BRDT: variants seen among roughly 807,000 people sequenced by gnomAD.
BRDT encodes bromodomain testis-specific protein.
BRDT carries 77 observed loss-of-function variants against 113.9 expected under a neutral mutation model. The ratio of observed to expected loss-of-function variants is 0.68; its 90% CI spans 0.56 to 0.82. The LOEUF is 0.82. Among genes scored for constraint, BRDT ranks in the 40% least tolerant of loss-of-function variants. The probability of loss-of-function intolerance (pLI) is 0.00; values close to 1 mark genes in which losing one functional copy is unlikely to be tolerated. For synonymous variants in BRDT, 358 were observed against 366.5 expected, an observed-to-expected ratio of 0.98 and a Z score of 0.26; for missense variants, 1,027 against 1,105.4, an observed-to-expected ratio of 0.93 and a Z score of 1.01.
Position 91,978,812 on chromosome 1 carries a change from A to G in BRDT, c.1098+516A>G, listed in dbSNP as rs186336317. 1.9e-3 allele frequency among the ~76,000 whole-genome samples: 293 copies of G among 152,086 alleles called. 1 individual carries two copies. Among genetic ancestry groups the G allele is most frequent in the Non-Finnish European group, 3.3e-3 (226 of 67,980 alleles). ...TTAGGAGATGGAGACCATCCTGGCTAACATGATGAAACCCCGTCTCTACTA... is the reference window on the plus strand; with the variant it reads ...TTAGGAGATGGAGACCATCCTGGCTGACATGATGAAACCCCGTCTCTACTA... On this transcript the variant is annotated intron_variant, in intron 7 of 18. Coordinates refer to ENST00000399546, the MANE Select transcript of BRDT (RefSeq NM_207189.4).
intron 1 of BRDT, among the ~76,000 whole-genome samples, chr1:91,958,763 G>A (rs1482247694): frequency 6.6e-6 from 1 of 152,068 alleles, no homozygotes; most frequent in African/African-American, 2.4e-5. Context: ...AAAATTAAAT[G>A]TAGAAAATGA....
At chr1:91,975,436 C>A (rs1168187872) in intron 4 of BRDT, among the ~76,000 whole-genome samples, 1 of 152,114 alleles carries the variant, frequency 6.6e-6, no homozygotes, top group Non-Finnish European at 1.5e-5. Context: ...ACTTTGGTTG[C>A]TGTTTTGAGG....
At position 92,004,468 on chromosome 1, in the gene BRDT, C is replaced by T; in HGVS notation, c.2443C>T (p.Pro815Ser). 1.9e-6 allele frequency: 3 copies of T among 1,610,634 alleles called. No individual in the cohort carries two copies. The highest frequency in any genetic ancestry group is 2.5e-6 in the Non-Finnish European group (3 of 1,179,140). Residue 815 changes from proline to serine, a missense_variant, in exon 17 of 19, where the codon CCA becomes TCA. Pro to Ser is a moderately conservative substitution (Grantham distance 74). Transcript: ENST00000399546. ...GAAAAGTTTAGGCAAACCAGTGAAA[C>T]CATCAGGTGTAATGAAATCCTCAGA... ...SWKSLGKPVK[P>S]SGVMKSSDEL...
intron 15 of BRDT, among the ~76,000 whole-genome samples, chr1:91,997,528 G>A (rs1367002929): frequency 6.6e-6 from 1 of 152,148 alleles, no homozygotes; most frequent in Admixed American, 6.5e-5. Flanking sequence ...GGGTAGCCTT[G>A]CCCTTGAAAA....
intron 13 of BRDT, 121 bp downstream of exon 13, chr1:91,991,366 T>A: frequency 2.1e-6 from 1 of 465,914 alleles, no homozygotes; most frequent in South Asian, 5.9e-5. Flanking sequence ...TCACTGTTTT[T>A]AGCTTATCAA....
At chr1:91,954,365 G>C (rs1205542496) in intron 1 of BRDT, among the ~76,000 whole-genome samples, 3 of 140,360 alleles carry the variant, frequency 2.1e-5, no homozygotes, top group Non-Finnish European at 4.5e-5. Flanking sequence ...CTGCAGCCTC[G>C]ACTTCATGAG....
At chr1:91,968,733 T>A (rs1368770312) in intron 4 of BRDT, among the ~76,000 whole-genome samples, 2 of 152,216 alleles carry the variant, frequency 1.3e-5, no homozygotes, top group Non-Finnish European at 2.9e-5. Flanking sequence ...CAACTAATAA[T>A]CATATCATTT....
intron 15 of BRDT, 106 bp from the exon 16 acceptor site, chr1:92,001,943 C>T (rs1686891126): frequency 1.4e-6 from 1 of 703,966 alleles, no homozygotes; most frequent in African/African-American, 1.8e-5. Flanking sequence ...AAAAATTAGT[C>T]TCTTTGTTTT....
At chr1:91,990,142 A>G (rs1685630105) in intron 12 of BRDT, among the ~76,000 whole-genome samples, 1 of 152,174 alleles carries the variant, frequency 6.6e-6, no homozygotes, top group Non-Finnish European at 1.5e-5. Flanking sequence ...ATCAGAAACA[A>G]TTGTAGGATA....
In BRDT at chr1:91,964,654, A is replaced by G. The variant is rs749945857; in HGVS notation, c.220A>G (p.Met74Val). ...PDYYTIIKNP[M>V]DLNTIKKRLE... ...TTATTATACCATTATAAAAAACCCA[A>G]TGGATTTAAATACAATTAAGAAGCG... Residue 74 changes from methionine (M) to valine (V), a missense_variant, in exon 3 of 19, where the codon ATG (methionine) becomes GTG (valine). Physicochemically the swap from Met to Val is conservative, Grantham distance 21. Transcript: ENST00000399546. 10 of 1,456,364 alleles carry G rather than the reference A, an allele frequency of 6.9e-6. 1 individual carries two copies. Among genetic ancestry groups the G allele is most frequent in the South Asian group, 6.7e-5 (5 of 75,084 alleles). The allele number at this position is 1,456,364 out of a possible 1,614,324, so 90.2% of individuals were successfully genotyped here.
chr1:92,001,626 G>A (rs562033364), intron 15 of BRDT, among the ~76,000 whole-genome samples: 280 of 152,136 alleles, frequency 1.8e-3, no homozygotes, highest in African/African-American at 6.3e-3. Flanking sequence ...AACCTTGGAG[G>A]TGGAGGTTGC....
Position 91,979,613 on chromosome 1 carries a change from T to C in BRDT, c.1143T>C (p.Val381=). 1 of 1,612,892 alleles carries C rather than the reference T, an allele frequency of 6.2e-7. No individual in the cohort carries two copies. Among genetic ancestry groups the C allele is most frequent in the Non-Finnish European group, 8.5e-7 (1 of 1,179,610 alleles). Reference sequence around the variant, plus strand: ...TTTCAAAGATCCCGATTGAACCTGTTGAGAGTATGCCTTTATGTTACATCA... The same window carrying C: ...TTTCAAAGATCCCGATTGAACCTGTCGAGAGTATGCCTTTATGTTACATCA... ...THFSKIPIEP[V]ESMPLCYIKT... Residue 381 remains valine (V), a synonymous_variant, in exon 8 of 19, where the codon GTT becomes GTC. Coordinates refer to ENST00000399546, the MANE Select transcript of BRDT (RefSeq NM_207189.4).
chr1:91,955,617 C>G (rs1270840252), intron 1 of BRDT, among the ~76,000 whole-genome samples: 1 of 152,058 alleles, frequency 6.6e-6, no homozygotes, highest in African/African-American at 2.4e-5. Context: ...TGCAAAGTAT[C>G]ATAAAAAGCC....
intron 16 of BRDT, among the ~76,000 whole-genome samples, chr1:92,003,681 A>G (rs560406485): frequency 6.6e-6 from 1 of 152,328 alleles, no homozygotes; most frequent in South Asian, 2.1e-4. Flanking sequence ...AATTGTTTCT[A>G]GTAGGAATTT....
intron 4 of BRDT, among the ~76,000 whole-genome samples, chr1:91,974,799 T>A (rs1281715213): frequency 6.6e-6 from 1 of 152,218 alleles, no homozygotes; most frequent in African/African-American, 2.4e-5. Flanking sequence ...CCCAAGGAAA[T>A]ATAAATCATG....
chr1:92,003,942 A>C (rs1041182011), intron 16 of BRDT, among the ~76,000 whole-genome samples: 1 of 152,130 alleles, frequency 6.6e-6, no homozygotes, highest in South Asian at 2.1e-4. Flanking sequence ...ACATCACTTA[A>C]GTTTTTTCTT....
Position 92,014,254 on chromosome 1 carries a change from T to C in BRDT, c.2824T>C (p.Phe942Leu). The C allele has an allele frequency of 6.3e-7, 1 of 1,592,914 alleles. No individual in the cohort carries two copies. Among genetic ancestry groups the C allele is most frequent in the Non-Finnish European group, 8.5e-7 (1 of 1,173,498 alleles). ...MTLQSDIMTM[F>L]ENNFD ...CCTTCAAAGTGACATTATGACAATG[T>C]TTGAAAACAACTTTGATTAAAACTC... is the stretch of plus-strand genomic sequence containing the variant. The change falls in exon 19 of 19, where the codon TTT (phenylalanine) becomes CTT (leucine). Residue 942 changes from phenylalanine (F) to leucine (L), a missense_variant. Transcript: ENST00000399546.
chr1:91,976,946 G>T, intron 5 of BRDT, 97 bp from the exon 6 acceptor site: 1 of 923,300 alleles, frequency 1.1e-6, no homozygotes. Flanking sequence ...AAGACTTGGT[G>T]CCAATAATCT....
intron 7 of BRDT, 55 bp from the exon 8 acceptor site, chr1:91,979,514 T>G: frequency 6.6e-7 from 1 of 1,513,228 alleles, no homozygotes; most frequent in Non-Finnish European, 9.0e-7. Flanking sequence ...AAGCTGTGAT[T>G]GCTGGATTAA....
Sources: gnomAD v4.1 joint callset for allele counts (sites outside exome capture counted in the v4.1 genomes callset) on GRCh38, gnomAD v4.1.1 for gene constraint, MANE v1.5 for transcripts, NCBI Gene and HGNC (gene_info 2026-07-23, HGNC 2026-07-21) for gene names.